Variants in SYNE2 observed in about 807,000 individuals in gnomAD.
The protein encoded by SYNE2 is spectrin repeat containing nuclear envelope protein 2, also known as nesprin-2.
Under a neutral mutation model 856.3 loss-of-function variants are expected in SYNE2, and 431 were observed. The observed-to-expected ratio is 0.50, with a 90% CI of 0.47 to 0.55. The LOEUF (loss-of-function observed/expected upper bound fraction) is 0.55. Ranked by LOEUF, SYNE2 falls within the 20% of genes least tolerant of loss-of-function variation. The pLI is 0.00. For synonymous variants in SYNE2, 2,923 were observed against 2,872.3 expected (o/e 1.02, Z -0.56); for missense variants, 8,129 against 8,023.2 (o/e 1.01, Z -0.50).
intron 77 of SYNE2, among the ~76,000 whole-genome samples, chr14:64,133,185 G>A (rs1002585933): frequency 2.0e-5 from 3 of 149,914 alleles, no homozygotes; most frequent in African/African-American, 5.0e-5. Context: ...CAGCCTGGGC[G>A]ACAGAGCGAG....
chr14:64,099,119 T>C lies in SYNE2; in HGVS notation c.12381+298T>C, dbSNP rs1595506591. The stretch of plus-strand genomic sequence containing the variant: ...GACTTTCTCTGAAGTTTTGAGAGCA[T>C]GCTGTTTGGCACTCCTGGTCTCATT... On this transcript the variant is annotated intron_variant, in intron 63 of 115. Coordinates refer to ENST00000555002, the MANE Select transcript of SYNE2 (RefSeq NM_182914.3). The C allele has an allele frequency of 7.5e-6, 3 of 398,044 alleles. No individual in the cohort carries two copies. The East Asian group carries it at 1.7e-4, about 23-fold the overall frequency. The allele number at this position is 398,044 out of a possible 1,614,324, so 24.7% of individuals were successfully genotyped here.
intron 58 of SYNE2, 56 bp downstream of exon 58, chr14:64,087,912 G>A: frequency 6.3e-6 from 10 of 1,580,734 alleles, no homozygotes; most frequent in Non-Finnish European, 8.7e-6. Flanking sequence ...CTGGGCAATG[G>A]TGGCTCATCC....
At chr14:63,982,532 A>G (rs2096593934) in intron 16 of SYNE2, 98 bp from the exon 17 acceptor site, 4 of 1,265,182 alleles carry the variant, frequency 3.2e-6, no homozygotes, top group Middle Eastern at 2.1e-4. Flanking sequence ...AAAAAAAAAA[A>G]AAAAAGAAAA....
chr14:63,925,745 A>G (rs2095656841), intron 2 of SYNE2, among the ~76,000 whole-genome samples: 1 of 152,202 alleles, frequency 6.6e-6, no homozygotes, highest in Non-Finnish European at 1.5e-5. Flanking sequence ...TAGCTTCCAC[A>G]GATAAGTGAA....
At position 64,002,006 on chromosome 14, in the gene SYNE2, G is replaced by A. The variant is rs773704983; in HGVS notation, c.3711G>A (p.Ser1237=). The change falls in exon 29 of 116, where the codon TCG becomes TCA. Residue 1237 remains serine, a synonymous_variant. Transcript: ENST00000555002. The part of the protein sequence containing the change: ...VEKASLLLCG[S]DLPLHKMAIQ... ...AGGCATCACTTCTTCTCTGTGGCTC[G>A]GACCTGCCTCTCCATAAAATGGCCA... 9.3e-6 allele frequency: 15 copies of A among 1,613,146 alleles called. No homozygotes were observed. Among genetic ancestry groups the A allele is most frequent in the East Asian group, 2.2e-5 (1 of 44,866 alleles).
At chr14:63,837,269 C>T (rs1032236645) in intron 1 of SYNE2, among the ~76,000 whole-genome samples, 1 of 152,182 alleles carries the variant, frequency 6.6e-6, no homozygotes, top group African/African-American at 2.4e-5. Flanking sequence ...TGGACCCCTA[C>T]ATCACACAAT....
At chr14:64,188,893 T>C in intron 98 of SYNE2, 185 bp downstream of exon 98, 4 of 726,206 alleles carry the variant, frequency 5.5e-6, no homozygotes, top group Non-Finnish European at 9.9e-6. Context: ...TCCAGAGAGA[T>C]GGGAGTGTGA....
chr14:63,818,955 C>T (rs540545697), intron 1 of SYNE2, among the ~76,000 whole-genome samples: 1 of 152,060 alleles, frequency 6.6e-6, no homozygotes, highest in East Asian at 1.9e-4. Context: ...GCCTCAGCCT[C>T]CCAGAGTGCT....
chr14:63,941,007 T>C (rs1157880394), intron 3 of SYNE2, among the ~76,000 whole-genome samples: 1 of 152,232 alleles, frequency 6.6e-6, no homozygotes, highest in Non-Finnish European at 1.5e-5. Context: ...TGTCCTAAAC[T>C]CTTTAAGTGT....
intron 35 of SYNE2, 31 bp downstream of exon 35, chr14:64,020,124 T>C (rs1192619787): frequency 4.7e-6 from 7 of 1,473,782 alleles, no homozygotes; most frequent in African/African-American, 1.4e-5. Context: ...GTTTCAGTTA[T>C]TGAGGCTTCA....
In SYNE2 at chr14:64,128,564, C is replaced by G. The variant is rs765099220; in HGVS notation, c.14019+11C>G. On this transcript the variant is annotated intron_variant, in intron 74 of 115. Coordinates refer to ENST00000555002, the MANE Select transcript of SYNE2 (RefSeq NM_182914.3). ...GCTGAACAGCTTCAGGTAATCAAGT[C>G]AAAATAATTCAGACTGACTTAACTT... 6 of 1,515,184 alleles carry G rather than the reference C, an allele frequency of 4.0e-6. No individual in the cohort carries two copies. The highest frequency in any genetic ancestry group is 5.5e-6 in the Non-Finnish European group (6 of 1,090,154). 93.9% of individuals were successfully genotyped at this position (1,515,184 alleles called of 1,614,324 possible).
chr14:63,977,123 T>C (rs2096549682), intron 12 of SYNE2, among the ~76,000 whole-genome samples: 1 of 151,950 alleles, frequency 6.6e-6, no homozygotes, highest in African/African-American at 2.4e-5. Context: ...GAATGGAAAA[T>C]ACACCAATAA....
intron 99 of SYNE2, among the ~76,000 whole-genome samples, chr14:64,195,490 C>G (rs893247931): frequency 6.6e-6 from 1 of 152,214 alleles, no homozygotes; most frequent in Non-Finnish European, 1.5e-5. Flanking sequence ...TTCCTGTTTA[C>G]ACTGAATTGC....
intron 78 of SYNE2, among the ~76,000 whole-genome samples, chr14:64,134,953 C>T (rs1412260945): frequency 1.3e-5 from 2 of 152,166 alleles, no homozygotes; most frequent in Non-Finnish European, 2.9e-5. Context: ...TGCCATTGCG[C>T]TCCAGCCTGG....
chr14:63,850,245 CTTTT>C (rs34763098), upstream of SYNE2, among the ~76,000 whole-genome samples: 4 of 112,516 alleles, frequency 3.6e-5, no homozygotes, highest in Admixed American at 9.9e-5. Flanking sequence ...CCACACCTAG[CTTTT>C]TTTTTTTTTT....
chr14:64,115,681 T>G lies in SYNE2; in HGVS notation c.12840+2110T>G, dbSNP rs561662555. 3.9e-5 allele frequency among the ~76,000 whole-genome samples: 6 copies of G among 152,340 alleles called. No homozygotes were observed. In the South Asian group the frequency reaches 1.2e-3, roughly 32 times the overall value. On this transcript the variant is annotated intron_variant, in intron 66 of 115. Transcript: ENST00000555002. ...TGGTGCTGGCACTTTTTGAACTTACTGCTTCTGACCTGCTTTGAAGAAAAA... is the reference window on the plus strand; with the variant it reads ...TGGTGCTGGCACTTTTTGAACTTACGGCTTCTGACCTGCTTTGAAGAAAAA...
At chr14:63,799,056 C>T (rs1210880334) in intron 1 of SYNE2, among the ~76,000 whole-genome samples, 1 of 152,190 alleles carries the variant, frequency 6.6e-6, no homozygotes, top group Non-Finnish European at 1.5e-5. Context: ...AGGAAACAAA[C>T]ACTTAAAGGA....
chr14:64,222,105 G>A (rs1383700256), intron 112 of SYNE2, among the ~76,000 whole-genome samples: 1 of 152,204 alleles, frequency 6.6e-6, no homozygotes, highest in African/African-American at 2.4e-5. Flanking sequence ...CTTCTTGGAG[G>A]AGAGTCGTGT....
chr14:64,069,529 G>A (rs957777879), intron 51 of SYNE2, among the ~76,000 whole-genome samples: 5 of 152,116 alleles, frequency 3.3e-5, no homozygotes, highest in South Asian at 2.1e-4. Flanking sequence ...ACCCTGCTGC[G>A]GTGCTTTTTC....
Sources: gnomAD v4.1 joint callset for allele counts (sites outside exome capture counted in the v4.1 genomes callset) on GRCh38, gnomAD v4.1.1 for gene constraint, MANE v1.5 for transcripts, NCBI Gene and HGNC (gene_info 2026-07-23, HGNC 2026-07-21) for gene names.